Variants in DDX31 observed in about 807,000 individuals in gnomAD.
DDX31 encodes the protein DEAD-box helicase 31, also known as ATP-dependent DNA helicase DDX31.
Under a neutral mutation model 91.3 loss-of-function variants are expected in DDX31, and 70 were observed. The observed-to-expected ratio is 0.77, with a 90% confidence interval of 0.63 to 0.94. The LOEUF is 0.94. Among genes scored for constraint, DDX31 ranks in the 40% least tolerant of loss-of-function variants. The probability of loss-of-function intolerance (pLI) is 0.00; values close to 1 mark genes in which losing one functional copy is unlikely to be tolerated. For missense variants in DDX31, 902 were observed against 925.0 expected (o/e 0.98, Z 0.32); for synonymous variants, 362 against 350.6 (o/e 1.03, Z -0.36).
At chr9:132,603,033 G>A (rs989657653) in intron 19 of DDX31, among the ~76,000 whole-genome samples, 22 of 152,188 alleles carry the variant, frequency 1.4e-4, no homozygotes, top group East Asian at 5.8e-4. Context: ...ACCGGGCTCC[G>A]AGTTCTACAC....
intron 6 of DDX31, among the ~76,000 whole-genome samples, chr9:132,653,770 A>G (rs904483007): frequency 6.6e-6 from 1 of 152,070 alleles, no homozygotes; most frequent in African/African-American, 2.4e-5. Context: ...TGATGCTAAT[A>G]AAAATGCCAC....
chr9:132,620,079 C>G (rs765584917), intron 17 of DDX31, among the ~76,000 whole-genome samples: 3 of 151,928 alleles, frequency 2.0e-5, no homozygotes, highest in African/African-American at 7.3e-5. Flanking sequence ...CAGCCAGGAC[C>G]GAATAAGCAC....
intron 1 of DDX31, among the ~76,000 whole-genome samples, chr9:132,668,675 C>G (rs1360384733): frequency 2.9e-4 from 44 of 151,612 alleles, no homozygotes; most frequent in Middle Eastern, 6.9e-3. Flanking sequence ...TCACGCCATT[C>G]TCCTGCCTCA....
chr9:132,662,819 T>C (rs1308995113), intron 1 of DDX31, 124 bp from the exon 2 acceptor site: 1 of 1,299,608 alleles, frequency 7.7e-7, no homozygotes, highest in Non-Finnish European at 1.1e-6. Context: ...ATGCCCCATA[T>C]GTCAAGCAAC....
intron 1 of DDX31, among the ~76,000 whole-genome samples, chr9:132,665,519 C>A (rs1835250004): frequency 6.6e-6 from 1 of 152,112 alleles, no homozygotes; most frequent in South Asian, 2.1e-4. Context: ...GAGAGGGAGG[C>A]AAGAAAACCA....
intron 19 of DDX31, among the ~76,000 whole-genome samples, chr9:132,609,534 C>T (rs1470030905): frequency 1.3e-5 from 2 of 152,172 alleles, no homozygotes; most frequent in Admixed American, 6.5e-5. Context: ...AATGAAATCT[C>T]CAGTCATAAA....
chr9:132,633,878 G>A (rs1174706170), intron 14 of DDX31, among the ~76,000 whole-genome samples: 2 of 152,132 alleles, frequency 1.3e-5, no homozygotes, highest in African/African-American at 4.8e-5. Context: ...AATAAAACCT[G>A]AAACCTAGAA....
chr9:132,668,679 T>C (rs1214346118), intron 1 of DDX31, among the ~76,000 whole-genome samples: 2 of 151,848 alleles, frequency 1.3e-5, no homozygotes, highest in East Asian at 3.9e-4. Context: ...GCCATTCTCC[T>C]GCCTCAGCCT....
At chr9:132,616,702 T>C (rs1185719919) in intron 18 of DDX31, among the ~76,000 whole-genome samples, 1 of 151,884 alleles carries the variant, frequency 6.6e-6, no homozygotes, top group Non-Finnish European at 1.5e-5. Context: ...AGAGCAATAC[T>C]CCTCTAGAGG....
At chr9:132,615,349 AC>A (rs1166229618) in intron 18 of DDX31, among the ~76,000 whole-genome samples, 5 of 152,244 alleles carry the variant, frequency 3.3e-5, no homozygotes, top group African/African-American at 1.2e-4. Flanking sequence ...GCTCCTCCCA[AC>A]CCCACCTCCA....
intron 19 of DDX31, among the ~76,000 whole-genome samples, chr9:132,606,594 T>C (rs896511578): frequency 6.6e-6 from 1 of 152,164 alleles, no homozygotes; most frequent in Non-Finnish European, 1.5e-5. Context: ...CCACGATGTT[T>C]CCACTCATGA....
chr9:132,669,801 C>A, intron 1 of DDX31, 59 bp downstream of exon 1: 1 of 1,522,022 alleles, frequency 6.6e-7, no homozygotes, highest in East Asian at 2.4e-5. Flanking sequence ...CTGCAGCTCG[C>A]GGCGCGCCCA....
intron 14 of DDX31, among the ~76,000 whole-genome samples, chr9:132,637,207 G>A (rs995124919): frequency 2.6e-5 from 4 of 152,296 alleles, no homozygotes; most frequent in Middle Eastern, 3.4e-3. Flanking sequence ...CTGGAGCACA[G>A]TCAGCCAGCT....
chr9:132,625,399 C>A (rs551498446), intron 17 of DDX31, among the ~76,000 whole-genome samples: 3 of 152,158 alleles, frequency 2.0e-5, no homozygotes, highest in East Asian at 3.9e-4. Flanking sequence ...CTGGCCTGGA[C>A]CTCCTTTCTG....
At chr9:132,656,506 T>C (rs572619802) in intron 6 of DDX31, among the ~76,000 whole-genome samples, 134 of 152,284 alleles carry the variant, frequency 8.8e-4, no homozygotes, top group Non-Finnish European at 1.6e-3. Flanking sequence ...GTCTCAACAC[T>C]GCACATGCAT....
rs1364913264 is a variant in DDX31 at position 132,659,714 on chromosome 9, G to A, written c.519C>T (p.Gly173=). 1 of 1,609,616 alleles carries A rather than the reference G, an allele frequency of 6.2e-7. No homozygotes were observed. Among genetic ancestry groups the A allele is most frequent in the East Asian group, 2.2e-5 (1 of 44,794 alleles). ...CAGAGATGAAATGAGACTAACCTGAGCCCGTCTGGGATCTCACGAGAGCAT... is the reference window on the plus strand; with the variant it reads ...CAGAGATGAAATGAGACTAACCTGAACCCGTCTGGGATCTCACGAGAGCAT... ...GRDALVRSQT[G]SGKTLAYCIP... Residue 173 remains glycine, a synonymous_variant, in exon 5 of 20, where the codon GGC becomes GGT. Coordinates refer to ENST00000372159, the MANE Select transcript of DDX31 (RefSeq NM_022779.9).
intron 17 of DDX31, among the ~76,000 whole-genome samples, chr9:132,623,551 C>CAAAAAAAAAAAAAAAAAAAA (rs34868804): frequency 1.5e-5 from 1 of 66,726 alleles, no homozygotes; most frequent in Non-Finnish European, 2.8e-5. Flanking sequence ...GACTCCATCT[C>CAAAAAAAAAAAAAAAAAAAA]AAAAAAAAAA....
chr9:132,645,850 C>T (rs762684002), intron 13 of DDX31, 45 bp downstream of exon 13: 4 of 1,569,440 alleles, frequency 2.5e-6, no homozygotes, highest in African/African-American at 1.4e-5. Context: ...CCCATCTCCA[C>T]GTGGGGCCGC....
At chr9:132,663,163 G>C (rs189001262) in intron 1 of DDX31, 2 of 1,287,902 alleles carry the variant, frequency 1.6e-6, no homozygotes, top group Non-Finnish European at 2.0e-6. Context: ...GCACAGGAGA[G>C]AGGGGCGAGG....
Sources: gnomAD v4.1 joint callset for allele counts (sites outside exome capture counted in the v4.1 genomes callset) on GRCh38, gnomAD v4.1.1 for gene constraint, MANE v1.5 for transcripts, NCBI Gene and HGNC (gene_info 2026-07-23, HGNC 2026-07-21) for gene names.